BCAR3: variants seen among roughly 807,000 people sequenced by gnomAD.
The protein encoded by BCAR3 is breast cancer anti-estrogen resistance protein 3.
In BCAR3, 37 loss-of-function variants were observed where a neutral mutation model predicts 80.1. The ratio of observed to expected loss-of-function variants is 0.46; its 90% CI spans 0.36 to 0.61. The LOEUF (loss-of-function observed/expected upper bound fraction) is 0.61. BCAR3 is among the 20% of genes least tolerant of loss of function. The pLI, the probability that BCAR3 is intolerant of heterozygous loss-of-function variation, is 0.00. For synonymous variants in BCAR3, 389 were observed against 418.9 expected, an observed-to-expected ratio of 0.93 and a Z score of 0.87; for missense variants, 978 against 1,068.2, an observed-to-expected ratio of 0.92 and a Z score of 1.18.
intron 2 of BCAR3, among the ~76,000 whole-genome samples, chr1:93,730,597 G>A (rs2100682839): frequency 6.6e-6 from 1 of 152,240 alleles, no homozygotes; most frequent in South Asian, 2.1e-4. Flanking sequence ...TCATACCAAG[G>A]AACTGAAAAC....
intron 2 of BCAR3, among the ~76,000 whole-genome samples, chr1:93,832,117 G>A (rs1654588140): frequency 6.6e-6 from 1 of 152,104 alleles, no homozygotes; most frequent in Non-Finnish European, 1.5e-5. Flanking sequence ...TTAGATTCCG[G>A]CCCTCAAACC....
At chr1:93,597,383 CTG>C (rs1191568792) in intron 3 of BCAR3, among the ~76,000 whole-genome samples, 1 of 152,214 alleles carries the variant, frequency 6.6e-6, no homozygotes, top group Non-Finnish European at 1.5e-5. Flanking sequence ...TCATGAAAAT[CTG>C]AGTCTAGCTA....
chr1:93,813,922 T>C (rs114008505), intron 2 of BCAR3, among the ~76,000 whole-genome samples: 2,197 of 152,344 alleles, frequency 0.014, 23 homozygotes, highest in South Asian at 0.03. Flanking sequence ...CTGCCTTTCT[T>C]TGACTTTTTG....
chr1:93,736,564 T>C (rs753650067), intron 2 of BCAR3, among the ~76,000 whole-genome samples: 1 of 152,202 alleles, frequency 6.6e-6, no homozygotes, highest in South Asian at 2.1e-4. Context: ...AAACTGTTCA[T>C]GTATGTAGAC....
intron 3 of BCAR3, 119 bp downstream of exon 3, chr1:93,642,185 G>A: frequency 8.6e-7 from 1 of 1,156,996 alleles, no homozygotes; most frequent in South Asian, 1.3e-5. Flanking sequence ...CTGTTGTTTT[G>A]GAGAGTCTAA....
At chr1:93,695,736 A>G (rs1649366756) in intron 3 of BCAR3, among the ~76,000 whole-genome samples, 1 of 152,258 alleles carries the variant, frequency 6.6e-6, no homozygotes, top group African/African-American at 2.4e-5. Flanking sequence ...CCTGAGGTTG[A>G]TAATGACTTC....
At chr1:93,744,051 G>A (rs544744613) in intron 2 of BCAR3, among the ~76,000 whole-genome samples, 11 of 152,216 alleles carry the variant, frequency 7.2e-5, no homozygotes, top group African/African-American at 2.6e-4. Flanking sequence ...CTGTATGCAA[G>A]AATAGCCCCC....
intron 1 of BCAR3, among the ~76,000 whole-genome samples, chr1:93,675,673 C>G (rs1405785388): frequency 6.6e-6 from 1 of 151,040 alleles, no homozygotes; most frequent in Admixed American, 6.6e-5. Flanking sequence ...GAAGAAGAGA[C>G]AGGAGAAGGG....
At chr1:93,786,498 T>C (rs541992795) in intron 2 of BCAR3, among the ~76,000 whole-genome samples, 9 of 152,336 alleles carry the variant, frequency 5.9e-5, no homozygotes, top group Non-Finnish European at 1.2e-4. Flanking sequence ...TGCTCAGTCT[T>C]GCCTAAATTA....
chr1:93,834,864 C>T (rs1296213773), intron 2 of BCAR3, among the ~76,000 whole-genome samples: 1 of 152,200 alleles, frequency 6.6e-6, no homozygotes, highest in East Asian at 1.9e-4. Flanking sequence ...ATTCCTGATA[C>T]CACACCTGAC....
chr1:93,759,614 A>C (rs1384914209), intron 2 of BCAR3, among the ~76,000 whole-genome samples: 2 of 152,224 alleles, frequency 1.3e-5, no homozygotes, highest in Non-Finnish European at 2.9e-5. Flanking sequence ...TAACCAAATG[A>C]CAAATGTTGC....
chr1:93,587,694 C>T (rs933302613), intron 5 of BCAR3, among the ~76,000 whole-genome samples: 3 of 148,800 alleles, frequency 2.0e-5, no homozygotes, highest in African/African-American at 7.7e-5. Flanking sequence ...CTCATGGACC[C>T]CCCCGCCAAA....
chr1:93,809,953 A>G (rs1463650902), intron 2 of BCAR3, among the ~76,000 whole-genome samples: 1 of 151,724 alleles, frequency 6.6e-6, no homozygotes, highest in Non-Finnish European at 1.5e-5. Flanking sequence ...GTAATCCCAG[A>G]ACTTTGGGAG....
At chr1:93,749,149 T>C (rs1651457126) in intron 2 of BCAR3, among the ~76,000 whole-genome samples, 1 of 150,418 alleles carries the variant, frequency 6.6e-6, no homozygotes, top group Non-Finnish European at 1.5e-5. Flanking sequence ...CAAATAATGG[T>C]GTGTGTGTGT....
intron 3 of BCAR3, among the ~76,000 whole-genome samples, chr1:93,641,428 C>T (rs1675974056): frequency 6.6e-6 from 1 of 152,094 alleles, no homozygotes; most frequent in African/African-American, 2.4e-5. Flanking sequence ...CGATTTCTCC[C>T]AAAAAATAAG....
At chr1:93,739,757 A>G (rs867844044) in intron 2 of BCAR3, among the ~76,000 whole-genome samples, 1 of 152,336 alleles carries the variant, frequency 6.6e-6, no homozygotes, top group South Asian at 2.1e-4. Flanking sequence ...AGAGCTGGCC[A>G]GGTGCAGTGG....
chr1:93,605,704 TC>T (rs1674752977), intron 3 of BCAR3: 1 of 152,214 alleles, frequency 6.6e-6, no homozygotes, highest in South Asian at 2.1e-4. Flanking sequence ...AAACCAGATG[TC>T]CTATTTGCTC....
Position 93,631,824 on chromosome 1 carries a change from G to C in BCAR3, c.357+10480C>G, listed in dbSNP as rs1243420093. ...CATGTTCCTTTCAGCACCTCCAGAG[G>C]GCAGCTCCAGGGTTTGACCTTATCT... On this transcript the variant is annotated intron_variant, in intron 3 of 11. Transcript: ENST00000260502. Among the ~76,000 whole-genome samples the C allele has an allele frequency of 2.0e-5, 3 of 152,212 alleles. 1 individual carries two copies. Among genetic ancestry groups the C allele is most frequent in the Middle Eastern group, 6.8e-3 (2 of 294 alleles).
chr1:93,661,305 C>T (rs1052730207), intron 2 of BCAR3, among the ~76,000 whole-genome samples: 9 of 151,564 alleles, frequency 5.9e-5, no homozygotes, highest in South Asian at 4.2e-4. Context: ...TCCCAAAGTG[C>T]TGGGATTACA....
Sources: gnomAD v4.1 joint callset for allele counts (sites outside exome capture counted in the v4.1 genomes callset) on GRCh38, gnomAD v4.1.1 for gene constraint, MANE v1.5 for transcripts, NCBI Gene and HGNC (gene_info 2026-07-23, HGNC 2026-07-21) for gene names.